Variants in MED27 observed in about 807,000 individuals in gnomAD.
The protein encoded by MED27 is mediator complex subunit 27.
MED27 carries 30 observed loss-of-function variants against 38.2 expected under a neutral mutation model. The observed-to-expected ratio is 0.79, with a 90% CI of 0.59 to 1.07. The LOEUF (loss-of-function observed/expected upper bound fraction) is 1.07, where lower values mean the gene tolerates loss of function less well. Ranked by LOEUF, MED27 falls within the 50% of genes least tolerant of loss-of-function variation. The probability of loss-of-function intolerance (pLI) is 0.00; values close to 1 mark genes in which losing one functional copy is unlikely to be tolerated. For missense variants in MED27, 289 were observed against 397.5 expected (o/e 0.73, Z 2.32); for synonymous variants, 122 against 153.5 (o/e 0.79, Z 1.52).
chr9:132,017,991 G>C (rs1284805360), intron 2 of MED27, among the ~76,000 whole-genome samples: 1 of 152,184 alleles, frequency 6.6e-6, no homozygotes, highest in Admixed American at 6.5e-5. Context: ...GGGTCCTGAC[G>C]AAATGTAAGT....
chr9:132,056,833 C>G (rs1174049159), intron 2 of MED27, among the ~76,000 whole-genome samples: 1 of 152,162 alleles, frequency 6.6e-6, no homozygotes, highest in Non-Finnish European at 1.5e-5. Flanking sequence ...AGAGCTGGCT[C>G]CAGATGCTCT....
chr9:131,974,644 T>A lies in MED27; in HGVS notation c.480-35170A>T, dbSNP rs578213267. Among the ~76,000 whole-genome samples the A allele has an allele frequency of 5.9e-5, 9 of 152,048 alleles. No individual in the cohort carries two copies. In the South Asian group the frequency reaches 1.9e-3, roughly 32 times the overall value. ...CAGAGCTGGGGACAGAAATCAGGAG[T>A]CTGGACTGTTTTACACTCACAGGGG... is the stretch of plus-strand genomic sequence containing the variant. On this transcript the variant is annotated intron_variant, in intron 3 of 7. Coordinates refer to ENST00000292035, the MANE Select transcript of MED27 (RefSeq NM_004269.4).
At chr9:131,892,068 G>A (rs561721912) in intron 5 of MED27, among the ~76,000 whole-genome samples, 4 of 152,018 alleles carry the variant, frequency 2.6e-5, no homozygotes, top group African/African-American at 9.7e-5. Flanking sequence ...AGGAACACGG[G>A]AAGTCTGATC....
chr9:132,057,216 A>G (rs6597541), intron 2 of MED27, among the ~76,000 whole-genome samples: 133,769 of 152,286 alleles, frequency 0.88, 58,836 homozygotes, highest in East Asian at 1. Flanking sequence ...TCCTCTGCCA[A>G]TCCCACCAAA....
chr9:131,887,043 C>T (rs557113676), intron 5 of MED27, among the ~76,000 whole-genome samples: 1 of 152,104 alleles, frequency 6.6e-6, no homozygotes, highest in Non-Finnish European at 1.5e-5. Context: ...CACTGTTTAC[C>T]CTTCCTGCCT....
intron 3 of MED27, among the ~76,000 whole-genome samples, chr9:131,959,667 C>G (rs945529452): frequency 4.6e-5 from 7 of 152,204 alleles, no homozygotes; most frequent in Non-Finnish European, 1.0e-4. Flanking sequence ...AGCAATTATA[C>G]AGTTATAAAG....
In MED27 at chr9:132,079,754, C is replaced by T. The variant is rs965702409; in HGVS notation, c.91G>A (p.Val31Met). 1 of 1,614,138 alleles carries T rather than the reference C, an allele frequency of 6.2e-7. No homozygotes were observed. The highest frequency in any genetic ancestry group is 8.5e-7 in the Non-Finnish European group (1 of 1,180,004). The change falls in exon 1 of 8, where the codon GTG (valine) becomes ATG (methionine). Residue 31 changes from valine to methionine, a missense_variant. Val to Met is a conservative substitution (Grantham distance 21). Coordinates refer to ENST00000292035, the MANE Select transcript of MED27 (RefSeq NM_004269.4). The stretch of plus-strand genomic sequence containing the variant: ...ATCCCATCCTTCAGGCAGTCGAACA[C>T]CCTGCTCACGCTGGAGCGCAGCGCC... ...IQALRSSVSR[V>M]FDCLKDGMRN...
intron 6 of MED27, among the ~76,000 whole-genome samples, chr9:131,868,037 A>G (rs1211664153): frequency 6.6e-6 from 1 of 152,214 alleles, no homozygotes. Flanking sequence ...TCTTCTCATG[A>G]ATCAAAATGA....
At chr9:132,010,801 A>G (rs1455128221) in intron 3 of MED27, among the ~76,000 whole-genome samples, 1 of 152,084 alleles carries the variant, frequency 6.6e-6, no homozygotes, top group African/African-American at 2.4e-5. Context: ...CAAACACCAC[A>G]TGTTGTCACT....
intron 4 of MED27, among the ~76,000 whole-genome samples, chr9:131,911,673 C>T (rs372140559): frequency 1.3e-5 from 2 of 152,204 alleles, no homozygotes; most frequent in Non-Finnish European, 2.9e-5. Flanking sequence ...TGGCAACTAA[C>T]TTGAAGCAAG....
chr9:131,976,327 C>T (rs1034586166), intron 3 of MED27, among the ~76,000 whole-genome samples: 1 of 152,194 alleles, frequency 6.6e-6, no homozygotes, highest in African/African-American at 2.4e-5. Flanking sequence ...AAGCATACCC[C>T]AGCAAAATGC....
At chr9:131,963,179 C>T (rs1052526786) in intron 3 of MED27, among the ~76,000 whole-genome samples, 1 of 152,064 alleles carries the variant, frequency 6.6e-6, no homozygotes, top group Non-Finnish European at 1.5e-5. Flanking sequence ...TTCATTTTTA[C>T]AGTGTTCAGG....
chr9:132,058,891 G>C lies in MED27; in HGVS notation c.348+18551C>G, dbSNP rs572650453. On this transcript the variant is annotated intron_variant, in intron 2 of 7. Transcript: ENST00000292035. ...CAGTGTCTGAAAATTACCTGTGGCA[G>C]TGCTTTATCTTTCTTAGTGGTACAA... 1.4e-4 allele frequency among the ~76,000 whole-genome samples: 22 copies of C among 152,344 alleles called. No homozygotes were observed. The South Asian group carries it at 4.6e-3, about 32-fold the overall frequency.
At position 131,861,673 on chromosome 9, in the gene MED27, G is replaced by A. The variant is rs1838654340; in HGVS notation, c.802-1001C>T. ...TGTCTCTGCCACAAATAGTACTCAT[G>A]TCTGTGCCTCAAATCAATCAATCAA... On this transcript the variant is annotated intron_variant, in intron 7 of 7. Transcript: ENST00000292035. The surrounding 1 kb of genome is among the most constrained non-coding windows in gnomAD (Gnocchi z 4.4). Among the ~76,000 whole-genome samples the A allele has an allele frequency of 6.6e-6, 1 of 152,102 alleles. No individual in the cohort carries two copies. Among genetic ancestry groups the A allele is most frequent in the Admixed American group, 6.5e-5 (1 of 15,272 alleles).
intron 4 of MED27, among the ~76,000 whole-genome samples, chr9:131,897,366 T>A (rs532093778): frequency 6.6e-6 from 1 of 152,270 alleles, no homozygotes; most frequent in Non-Finnish European, 1.5e-5. Flanking sequence ...ACAACGGTTA[T>A]GCCAACCAGA....
intron 4 of MED27, among the ~76,000 whole-genome samples, chr9:131,921,898 T>C (rs977167700): frequency 6.6e-6 from 1 of 152,008 alleles, no homozygotes; most frequent in African/African-American, 2.4e-5. Context: ...CTGGAAACCA[T>C]CATTCTGAGC....
In MED27 at chr9:132,014,337, T is replaced by G; in HGVS notation, c.479A>C (p.Gln160Pro). The G allele has an allele frequency of 6.2e-7, 1 of 1,611,192 alleles. No individual in the cohort carries two copies. Among genetic ancestry groups the G allele is most frequent in the Non-Finnish European group, 8.5e-7 (1 of 1,179,416 alleles). Reference protein sequence around the residue: ...AQPTTLVLPPQYVDDVISRID... With the variant: ...AQPTTLVLPPPYVDDVISRID... ...GTAATTTTTCAAATCCATCACTCACTGAGGTGGTAGGACAAGAGTTGTGGG... is the reference window on the plus strand; with the variant it reads ...GTAATTTTTCAAATCCATCACTCACGGAGGTGGTAGGACAAGAGTTGTGGG... Residue 160 changes from glutamine (Q) to proline (P), a missense_variant and splice_region_variant, in exon 3 of 8, where the codon CAA (glutamine) becomes CCA (proline). Coordinates refer to ENST00000292035, the MANE Select transcript of MED27 (RefSeq NM_004269.4).
Position 131,976,532 on chromosome 9 carries a change from T to C in MED27, c.480-37058A>G, listed in dbSNP as rs1831612329. ...CCTGAGTGCAGGTCCTGTAACCAAA[T>C]GTGAAGAGCAAATGTTATTACTAAT... On this transcript the variant is annotated intron_variant, in intron 3 of 7. Transcript: ENST00000292035. Among the ~76,000 whole-genome samples the C allele has an allele frequency of 2.0e-5, 3 of 152,166 alleles. No homozygotes were observed. In the South Asian group the frequency reaches 6.2e-4, roughly 32 times the overall value.
chr9:131,910,412 G>A (rs1348187860), intron 4 of MED27, among the ~76,000 whole-genome samples: 1 of 152,136 alleles, frequency 6.6e-6, no homozygotes, highest in East Asian at 1.9e-4. Context: ...TCTACCTAAA[G>A]ACAAAACTGC....
Sources: gnomAD v4.1 joint callset for allele counts (sites outside exome capture counted in the v4.1 genomes callset) on GRCh38, gnomAD v4.1.1 for gene constraint, Gnocchi (gnomAD v3.1) non-coding constraint, MANE v1.5 for transcripts, NCBI Gene and HGNC (gene_info 2026-07-23, HGNC 2026-07-21) for gene names.